TTC27: variants seen among roughly 807,000 people sequenced by gnomAD.
TTC27 encodes tetratricopeptide repeat protein 27.
TTC27 carries 79 observed loss-of-function variants against 115.9 expected under a neutral mutation model. The ratio of observed to expected loss-of-function variants is 0.68; its 90% CI spans 0.57 to 0.82. The LOEUF (loss-of-function observed/expected upper bound fraction) is 0.82. Among genes scored for constraint, TTC27 ranks in the 40% least tolerant of loss-of-function variants. TTC27 has a pLI of 0.00. For missense variants in TTC27, 1,054 were observed against 993.1 expected (o/e 1.06, Z -0.82); for synonymous variants, 401 against 356.0 (o/e 1.13, Z -1.42).
At chr2:32,691,371 T>C (rs567366579) in intron 9 of TTC27, among the ~76,000 whole-genome samples, 1 of 151,622 alleles carries the variant, frequency 6.6e-6, no homozygotes, top group Admixed American at 6.6e-5. Context: ...CAATCTCGGC[T>C]CACTGCAACC....
At chr2:32,740,656 C>T (rs34852407) in intron 12 of TTC27, among the ~76,000 whole-genome samples, 3 of 151,516 alleles carry the variant, frequency 2.0e-5, no homozygotes, top group Admixed American at 6.6e-5. Context: ...TATTTATTTA[C>T]TTACTTACTT....
intron 16 of TTC27, among the ~76,000 whole-genome samples, chr2:32,790,488 T>C (rs1370030871): frequency 1.3e-5 from 2 of 152,202 alleles, no homozygotes; most frequent in Non-Finnish European, 1.5e-5. Flanking sequence ...GAGTACCATG[T>C]GATGTTTTCA....
At chr2:32,818,663 C>A (rs1360927230) in intron 19 of TTC27, among the ~76,000 whole-genome samples, 1 of 152,216 alleles carries the variant, frequency 6.6e-6, no homozygotes, top group Non-Finnish European at 1.5e-5. Context: ...AATATAACTT[C>A]TAGCACAATT....
At chr2:32,659,355 CTTTTTTTTT>C (rs78014491) in intron 5 of TTC27, among the ~76,000 whole-genome samples, 1 of 118,258 alleles carries the variant, frequency 8.5e-6, no homozygotes, top group African/African-American at 3.2e-5. Context: ...GGTGTTACCT[CTTTTTTTTT>C]TTTTTTTTTT....
intron 9 of TTC27, among the ~76,000 whole-genome samples, chr2:32,696,196 G>C (rs1464692515): frequency 1.3e-5 from 2 of 151,714 alleles, no homozygotes; most frequent in Non-Finnish European, 2.9e-5. Flanking sequence ...GTTCATCTGT[G>C]TTGTGTATAT....
chr2:32,702,716 G>C, intron 9 of TTC27, 91 bp from the exon 10 acceptor site: 1 of 828,288 alleles, frequency 1.2e-6, no homozygotes, highest in African/African-American at 1.7e-5. Flanking sequence ...ACTGTACCCT[G>C]ATATTTTGGA....
intron 9 of TTC27, among the ~76,000 whole-genome samples, chr2:32,682,417 G>A (rs532773775): frequency 8.3e-4 from 127 of 152,300 alleles, no homozygotes; most frequent in African/African-American, 2.7e-3. Flanking sequence ...TACACTCATA[G>A]CATTCAGTGA....
At chr2:32,696,129 A>G (rs1236117221) in intron 9 of TTC27, among the ~76,000 whole-genome samples, 1 of 149,642 alleles carries the variant, frequency 6.7e-6, no homozygotes, top group Non-Finnish European at 1.5e-5. Context: ...ACCTCAAAAA[A>G]AAAAAAAAAA....
At chr2:32,633,760 T>C (rs1449013163) in intron 2 of TTC27, 116 bp from the exon 3 acceptor site, 1 of 1,234,890 alleles carries the variant, frequency 8.1e-7, no homozygotes, top group Non-Finnish European at 1.1e-6. Flanking sequence ...TCTAGGATAG[T>C]CTCAATAAAT....
intron 9 of TTC27, among the ~76,000 whole-genome samples, chr2:32,702,017 A>AC (rs1285623195): frequency 2.4e-5 from 3 of 124,118 alleles, no homozygotes; most frequent in African/African-American, 9.7e-5. Context: ...TCTCAAAAAA[A>AC]AAAAAAAACA....
At chr2:32,652,056 T>C (rs1415331670) in intron 5 of TTC27, among the ~76,000 whole-genome samples, 1 of 152,048 alleles carries the variant, frequency 6.6e-6, no homozygotes, top group Non-Finnish European at 1.5e-5. Flanking sequence ...CCAATATCCT[T>C]GTATGCTTAT....
At chr2:32,659,531 T>C (rs1053598649) in intron 5 of TTC27, among the ~76,000 whole-genome samples, 1 of 152,170 alleles carries the variant, frequency 6.6e-6, no homozygotes, top group Non-Finnish European at 1.5e-5. Flanking sequence ...TATGTTGCCA[T>C]GTTTTTAATT....
At chr2:32,648,600 T>C (rs1253992493) in intron 4 of TTC27, among the ~76,000 whole-genome samples, 1 of 152,044 alleles carries the variant, frequency 6.6e-6, no homozygotes, top group Non-Finnish European at 1.5e-5. Flanking sequence ...GGCTTGTTGT[T>C]CCTTGTTTTT....
At chr2:32,780,025 G>A in intron 14 of TTC27, 1 of 434,880 alleles carries the variant, frequency 2.3e-6, no homozygotes, top group Non-Finnish European at 4.9e-6. Flanking sequence ...ACATTTCATT[G>A]ACTGTATGTC....
chr2:32,788,689 C>A (rs220655), intron 16 of TTC27, among the ~76,000 whole-genome samples: 26,562 of 152,038 alleles, frequency 0.17, 2,387 homozygotes, highest in Admixed American at 0.25. Flanking sequence ...TAACAACTGG[C>A]TCACCAGGTT....
Position 32,758,373 on chromosome 2 carries a change from C to A in TTC27, c.1534C>A (p.His512Asn). The change falls in exon 13 of 20, where the codon CAT (histidine) becomes AAT (asparagine). Residue 512 changes from histidine to asparagine, a missense_variant. Physicochemically the swap from His to Asn is moderately conservative, Grantham distance 68. Coordinates refer to ENST00000317907, the MANE Select transcript of TTC27 (RefSeq NM_017735.5). ...YCLLGDVLGD[H>N]SCYDKAWELS... ...CTTGCTTGGAGATGTCCTCGGAGAC[C>A]ATTCTTGCTATGACAAGGCCTGGGA... 1 of 1,614,184 alleles carries A rather than the reference C, an allele frequency of 6.2e-7. No individual in the cohort carries two copies. Among genetic ancestry groups the A allele is most frequent in the East Asian group, 2.2e-5 (1 of 44,874 alleles).
intron 13 of TTC27, chr2:32,766,484 A>G: frequency 2.2e-6 from 1 of 457,762 alleles, no homozygotes. Context: ...GGGAGGCCTG[A>G]GGAGAGGGAG....
intron 12 of TTC27, among the ~76,000 whole-genome samples, chr2:32,754,753 G>A (rs1282310161): frequency 3.3e-5 from 5 of 150,868 alleles, no homozygotes; most frequent in African/African-American, 1.2e-4. Context: ...TCCCGGACGG[G>A]GTGGCTGGCC....
At chr2:32,789,291 A>G (rs1670450601) in intron 16 of TTC27, among the ~76,000 whole-genome samples, 1 of 152,198 alleles carries the variant, frequency 6.6e-6, no homozygotes, top group African/African-American at 2.4e-5. Context: ...ACAATAGCTG[A>G]AAAGGTATTG....
Sources: gnomAD v4.1 joint callset for allele counts (sites outside exome capture counted in the v4.1 genomes callset) on GRCh38, gnomAD v4.1.1 for gene constraint, MANE v1.5 for transcripts, NCBI Gene and HGNC (gene_info 2026-07-23, HGNC 2026-07-21) for gene names.